TTC27: variants seen among roughly 807,000 people sequenced by gnomAD.
The protein encoded by TTC27 is tetratricopeptide repeat protein 27.
A neutral mutation model predicts 115.9 loss-of-function variants in TTC27; 79 were observed. That is an observed-to-expected ratio of 0.68 (90% CI 0.57 to 0.82). The LOEUF (loss-of-function observed/expected upper bound fraction) is 0.82. Among genes scored for constraint, TTC27 ranks in the 40% least tolerant of loss-of-function variants. The probability of loss-of-function intolerance (pLI) is 0.00; values close to 1 mark genes in which losing one functional copy is unlikely to be tolerated. For missense variants in TTC27, 1,054 were observed against 993.1 expected, an observed-to-expected ratio of 1.06 and a Z score of -0.82; for synonymous variants, 401 against 356.0, an observed-to-expected ratio of 1.13 and a Z score of -1.42.
chr2:32,738,145 A>G lies in TTC27; in HGVS notation c.1452+1329A>G, dbSNP rs536966082. 7.2e-5 allele frequency among the ~76,000 whole-genome samples: 11 copies of G among 152,288 alleles called. No individual in the cohort carries two copies. The South Asian group carries it at 2.1e-3, about 29-fold the overall frequency. ...ATTTGCTTCAGATCACAAGCTGGTT[A>G]TTGACTCTTTACTTGCGAGGTAGTA... On this transcript the variant is annotated intron_variant, in intron 12 of 19. Transcript: ENST00000317907.
At chr2:32,757,090 T>C (rs1669259922) in intron 12 of TTC27, among the ~76,000 whole-genome samples, 2 of 152,172 alleles carry the variant, frequency 1.3e-5, no homozygotes, top group Non-Finnish European at 2.9e-5. Flanking sequence ...ATCTGTGAAG[T>C]AGGATGTAGT....
At chr2:32,639,684 A>T (rs544393269) in intron 3 of TTC27, among the ~76,000 whole-genome samples, 1 of 152,042 alleles carries the variant, frequency 6.6e-6, no homozygotes, top group East Asian at 1.9e-4. Flanking sequence ...CAATGCTAGC[A>T]TTTTTTTTGA....
intron 13 of TTC27, among the ~76,000 whole-genome samples, chr2:32,772,402 G>T (rs544461029): frequency 1.3e-5 from 2 of 152,192 alleles, no homozygotes; most frequent in African/African-American, 4.8e-5. Context: ...AATACCGGAC[G>T]ATCCCTGACT....
At chr2:32,641,269 G>A (rs1000517273) in intron 4 of TTC27, among the ~76,000 whole-genome samples, 1 of 152,174 alleles carries the variant, frequency 6.6e-6, no homozygotes, top group African/African-American at 2.4e-5. Context: ...GAGGTTTAGT[G>A]GAGGTTGTCA....
intron 16 of TTC27, among the ~76,000 whole-genome samples, chr2:32,792,200 G>A (rs1670559791): frequency 6.6e-6 from 1 of 152,204 alleles, no homozygotes; most frequent in Non-Finnish European, 1.5e-5. Flanking sequence ...GGAGAAGATG[G>A]TGTTGATGTG....
At chr2:32,635,486 A>G (rs111375041) in intron 3 of TTC27, among the ~76,000 whole-genome samples, 5,097 of 152,102 alleles carry the variant, frequency 0.034, 109 homozygotes, top group Middle Eastern at 0.061. Flanking sequence ...GGAGTTCAAG[A>G]CCAGCCTGAT....
chr2:32,665,605 A>G (rs1047311343), intron 6 of TTC27, among the ~76,000 whole-genome samples: 1 of 152,220 alleles, frequency 6.6e-6, no homozygotes, highest in Admixed American at 6.5e-5. Flanking sequence ...CCTATAAAAA[A>G]TAAACTGTGA....
At chr2:32,664,924 C>T (rs1040906705) in intron 6 of TTC27, among the ~76,000 whole-genome samples, 8 of 151,966 alleles carry the variant, frequency 5.3e-5, no homozygotes, top group Admixed American at 3.3e-4. Context: ...CCTTGGCCTC[C>T]TGGGTTCAAG....
In TTC27 at chr2:32,672,612, C is replaced by G. The variant is rs572039993; in HGVS notation, c.1052+228C>G. 7.9e-5 allele frequency among the ~76,000 whole-genome samples: 12 copies of G among 152,216 alleles called. No individual in the cohort carries two copies. The South Asian group carries it at 2.3e-3, about 29-fold the overall frequency. ...TCTGTTTCCTTTATAAGCACAATTT[C>G]TTTGGTTAGCTTTAGCTAGGAATAG... On this transcript the variant is annotated intron_variant, in intron 8 of 19. Transcript: ENST00000317907.
At chr2:32,806,029 A>C (rs1671118418) in intron 16 of TTC27, among the ~76,000 whole-genome samples, 2 of 152,138 alleles carry the variant, frequency 1.3e-5, no homozygotes, top group Non-Finnish European at 2.9e-5. Context: ...TCTTTATTTC[A>C]GTGACAACCC....
At chr2:32,789,861 C>T (rs990219164) in intron 16 of TTC27, among the ~76,000 whole-genome samples, 2 of 133,594 alleles carry the variant, frequency 1.5e-5, no homozygotes, top group Admixed American at 8.9e-5. Context: ...GTTGAAGCTG[C>T]AGTGAGCCAT....
Position 32,682,876 on chromosome 2 carries a change from A to T in TTC27, c.1119+3954A>T, listed in dbSNP as rs1275633437. On this transcript the variant is annotated intron_variant, in intron 9 of 19. Coordinates refer to ENST00000317907, the MANE Select transcript of TTC27 (RefSeq NM_017735.5). ...TTTTTTTTTTTTTTTTTTTTGAGAC[A>T]GAGTCTTGCTGTGTCACCCCAGACT... is the stretch of plus-strand genomic sequence containing the variant. Among the ~76,000 whole-genome samples the T allele has an allele frequency of 4.8e-4, 20 of 41,502 alleles. No individual in the cohort carries two copies. The East Asian group carries it at 0.014, about 29-fold the overall frequency. 27.2% of individuals were successfully genotyped at this position (41,502 alleles called of 152,430 possible). A position where few individuals can be genotyped will look rare whatever the true frequency, so the allele number is the denominator to read the frequency against.
chr2:32,638,878 G>C (rs6543660), intron 3 of TTC27, among the ~76,000 whole-genome samples: 137,881 of 151,934 alleles, frequency 0.91, 62,645 homozygotes, highest in East Asian at 1. Flanking sequence ...TGTCACCCAG[G>C]CTGGAGTGCA....
chr2:32,681,012 G>A (rs971311000), intron 9 of TTC27, among the ~76,000 whole-genome samples: 5 of 152,070 alleles, frequency 3.3e-5, no homozygotes. Context: ...TGCAGTGAAG[G>A]TCATAAATTC....
Position 32,628,255 on chromosome 2 carries a change from C to G in TTC27, c.-38C>G. On this transcript the variant is annotated 5_prime_UTR_variant, in exon 1 of 20. Coordinates refer to ENST00000317907, the MANE Select transcript of TTC27 (RefSeq NM_017735.5). Reference sequence around the variant, plus strand: ...CTTTTGTTGACTCCCGTGTGGCCCTCGTGGGAGCCTGTTTTGGCTGCAGCG... The same window carrying G: ...CTTTTGTTGACTCCCGTGTGGCCCTGGTGGGAGCCTGTTTTGGCTGCAGCG... 1 of 1,580,142 alleles carries G rather than the reference C, an allele frequency of 6.3e-7. No homozygotes were observed. The highest frequency in any genetic ancestry group is 8.6e-7 in the Non-Finnish European group (1 of 1,162,502).
rs148953090 is a variant in TTC27 at position 32,706,077 on chromosome 2, CTTTTTTTTTTT to C, written c.1233+3172_1233+3182del. 3.9e-3 allele frequency among the ~76,000 whole-genome samples: 206 copies of C among 53,252 alleles called. 1 individual carries two copies. Among genetic ancestry groups the C allele is most frequent in the South Asian group, 9.2e-3 (9 of 980 alleles). 34.9% of individuals were successfully genotyped at this position (53,252 alleles called of 152,430 possible). On this transcript the variant is annotated intron_variant, in intron 10 of 19. Coordinates refer to ENST00000317907, the MANE Select transcript of TTC27 (RefSeq NM_017735.5). Reference sequence around the variant, plus strand: ...ATTATCATTCCTTATTTACCTTACTCTTTTTTTTTTTTTTTTTTTTTTTTTGAGACAGTCTT... The same window carrying C: ...ATTATCATTCCTTATTTACCTTACTCTTTTTTTTTTTTTTGAGACAGTCTT...
At chr2:32,807,473 C>T (rs900686279) in intron 16 of TTC27, among the ~76,000 whole-genome samples, 3 of 152,090 alleles carry the variant, frequency 2.0e-5, no homozygotes, top group Non-Finnish European at 2.9e-5. Flanking sequence ...TTCTTCTTAT[C>T]TTTTTATAAT....
At chr2:32,787,594 A>G (rs1024969410) in intron 16 of TTC27, among the ~76,000 whole-genome samples, 3 of 152,156 alleles carry the variant, frequency 2.0e-5, no homozygotes, top group African/African-American at 7.2e-5. Context: ...TTTCTTTGCA[A>G]TGTTTCATGA....
At chr2:32,644,091 G>T (rs1664754546) in intron 4 of TTC27, among the ~76,000 whole-genome samples, 2 of 148,786 alleles carry the variant, frequency 1.3e-5, no homozygotes, top group African/African-American at 5.0e-5. Flanking sequence ...TGAGGCAGGA[G>T]AATTGCTTGA....
Sources: gnomAD v4.1 joint callset for allele counts (sites outside exome capture counted in the v4.1 genomes callset) on GRCh38, gnomAD v4.1.1 for gene constraint, MANE v1.5 for transcripts, NCBI Gene and HGNC (gene_info 2026-07-23, HGNC 2026-07-21) for gene names.